Variants in GABRA5 observed in about 807,000 individuals in gnomAD.
The protein encoded by GABRA5 is gamma-aminobutyric acid type A receptor subunit alpha5.
Under a neutral mutation model 47.3 loss-of-function variants are expected in GABRA5, and 18 were observed. The ratio of observed to expected loss-of-function variants is 0.38; its 90% CI spans 0.26 to 0.56. The LOEUF is 0.56. Among genes scored for constraint, GABRA5 ranks in the 20% least tolerant of loss-of-function variants. GABRA5 has a pLI of 0.71. For synonymous variants in GABRA5, 237 were observed against 229.3 expected (o/e 1.03, Z -0.30); for missense variants, 365 against 599.3 (o/e 0.61, Z 4.08).
At chr15:26,938,203 T>G (rs1894293668) in intron 8 of GABRA5, among the ~76,000 whole-genome samples, 1 of 152,232 alleles carries the variant, frequency 6.6e-6, no homozygotes, top group African/African-American at 2.4e-5. Context: ...AGCACCCTGT[T>G]GACCCATGGG....
chr15:26,939,832 C>A, intron 8 of GABRA5, 93 bp from the exon 9 acceptor site: 1 of 1,277,996 alleles, frequency 7.8e-7, no homozygotes, highest in Non-Finnish European at 1.1e-6. Context: ...TCCAAACCGA[C>A]AGGGGAGTGG....
chr15:26,894,556 T>C (rs1311440494), intron 6 of GABRA5, among the ~76,000 whole-genome samples: 1 of 152,028 alleles, frequency 6.6e-6, no homozygotes, highest in East Asian at 1.9e-4. Flanking sequence ...TCCCATGATG[T>C]CAAGCCTCTT....
chr15:26,894,577 A>G (rs910011234), intron 6 of GABRA5, among the ~76,000 whole-genome samples: 5 of 152,112 alleles, frequency 3.3e-5, no homozygotes, highest in Non-Finnish European at 5.9e-5. Flanking sequence ...CTCCTGGTCA[A>G]ATCCAGTTTC....
intron 9 of GABRA5, among the ~76,000 whole-genome samples, 164 bp downstream of exon 9, chr15:26,940,241 G>A (rs1393432363): frequency 6.6e-6 from 1 of 152,210 alleles, no homozygotes; most frequent in Non-Finnish European, 1.5e-5. Flanking sequence ...TTAAGGATTA[G>A]AGTTTAGGAT....
chr15:26,880,996 G>C (rs370446685), intron 4 of GABRA5, 29 bp downstream of exon 4: 1 of 1,610,412 alleles, frequency 6.2e-7, no homozygotes, highest in Admixed American at 1.7e-5. Context: ...GCTGAGCCCA[G>C]CAAGGATCCA....
chr15:26,901,096 T>C (rs1226530561), intron 6 of GABRA5, among the ~76,000 whole-genome samples: 1 of 152,178 alleles, frequency 6.6e-6, no homozygotes, highest in Admixed American at 6.5e-5. Context: ...CGAGTTTTGG[T>C]AGTTATGAAT....
rs556679749 is a variant in GABRA5, at chr15:26,907,542, A to T, written c.498-7261A>T. ...GTAAAGATCCTTAGGAGGTTGGCAA[A>T]CCAGGACAATCACAATGGCCAGGCA... On this transcript the variant is annotated intron_variant, in intron 6 of 10. Coordinates refer to ENST00000335625, the MANE Select transcript of GABRA5 (RefSeq NM_000810.4). 4.9e-4 allele frequency among the ~76,000 whole-genome samples: 74 copies of T among 152,310 alleles called. 1 individual carries two copies. The highest frequency in any genetic ancestry group is 1.8e-3 in the African/African-American group (74 of 41,570).
At chr15:26,945,458 G>A (rs1433883930) in intron 10 of GABRA5, among the ~76,000 whole-genome samples, 2 of 152,258 alleles carry the variant, frequency 1.3e-5, no homozygotes, top group African/African-American at 2.4e-5. Context: ...AAGGAAACAG[G>A]AGGCAGTGAG....
chr15:26,941,816 T>G (rs952319785), intron 9 of GABRA5, among the ~76,000 whole-genome samples: 3 of 152,200 alleles, frequency 2.0e-5, no homozygotes, highest in African/African-American at 7.2e-5. Context: ...CCTGTGTGCA[T>G]GTCTGTCTCC....
intron 6 of GABRA5, among the ~76,000 whole-genome samples, chr15:26,893,158 G>A (rs557145768): frequency 7.0e-5 from 9 of 128,814 alleles, no homozygotes; most frequent in African/African-American, 2.5e-4. Flanking sequence ...TGTGTGGCGT[G>A]TGTGGGGTGT....
At chr15:26,912,469 A>C (rs530850301) in intron 6 of GABRA5, among the ~76,000 whole-genome samples, 1 of 152,328 alleles carries the variant, frequency 6.6e-6, no homozygotes, top group South Asian at 2.1e-4. Context: ...TCCTAATTCC[A>C]ATAAGTTTTT....
intron 3 of GABRA5, among the ~76,000 whole-genome samples, chr15:26,874,853 C>T (rs936347960): frequency 6.6e-6 from 1 of 152,196 alleles, no homozygotes; most frequent in African/African-American, 2.4e-5. Flanking sequence ...ACAATTGGGC[C>T]ATCACTGTAC....
chr15:26,886,498 G>C (rs1892882903), intron 6 of GABRA5, among the ~76,000 whole-genome samples: 1 of 152,178 alleles, frequency 6.6e-6, no homozygotes, highest in African/African-American at 2.4e-5. Flanking sequence ...TCAGCCCTCA[G>C]ACAGCCCTGC....
upstream of GABRA5, chr15:26,866,922 T>C (rs751577732): frequency 4.6e-5 from 7 of 152,222 alleles, no homozygotes; most frequent in Non-Finnish European, 8.8e-5. Context: ...AAGATGCTGT[T>C]GAGGGCCCTG....
At chr15:26,876,211 G>A (rs79586424) in intron 3 of GABRA5, among the ~76,000 whole-genome samples, 1,607 of 152,278 alleles carry the variant, frequency 0.011, 35 homozygotes, top group African/African-American at 0.037. Context: ...GGAAGCCCCT[G>A]GAGACACCAC....
At chr15:26,895,812 CAA>C (rs376170037) in intron 6 of GABRA5, among the ~76,000 whole-genome samples, 167 of 123,204 alleles carry the variant, frequency 1.4e-3, no homozygotes, top group South Asian at 2.5e-3. Context: ...AAGACTCCGT[CAA>C]AAAAAAAAAA....
rs1331436845 is a variant in GABRA5 at position 26,914,904 on chromosome 15, T to G, written c.580+19T>G. 1.9e-6 allele frequency: 3 copies of G among 1,601,532 alleles called. No individual in the cohort carries two copies. The South Asian group carries it at 3.3e-5, about 18-fold the overall frequency. The stretch of plus-strand genomic sequence containing the variant: ...GGCAGCTGTAAGTTATTTTCACAAG[T>G]AAGAGCCTTGGACATATACTTTGGG... On this transcript the variant is annotated intron_variant, in intron 7 of 10. Transcript: ENST00000335625.
chr15:26,888,308 G>T (rs80256359), intron 6 of GABRA5, among the ~76,000 whole-genome samples: 15,481 of 152,226 alleles, frequency 0.1, 877 homozygotes, highest in East Asian at 0.17. Context: ...TGCCTATAAA[G>T]TACTGAACAA....
At chr15:26,938,306 G>A (rs1183614399) in intron 8 of GABRA5, among the ~76,000 whole-genome samples, 1 of 152,200 alleles carries the variant, frequency 6.6e-6, no homozygotes, top group Non-Finnish European at 1.5e-5. Flanking sequence ...AGAGGGAACC[G>A]GCCGGTTTTA....
Sources: gnomAD v4.1 joint callset for allele counts (sites outside exome capture counted in the v4.1 genomes callset) on GRCh38, gnomAD v4.1.1 for gene constraint, MANE v1.5 for transcripts, NCBI Gene and HGNC (gene_info 2026-07-23, HGNC 2026-07-21) for gene names.